Variants in EXT2 observed in about 807,000 individuals in gnomAD.
EXT2 encodes exostosin-2.
In EXT2, 53 loss-of-function variants were observed where a neutral mutation model predicts 81.6. That is an observed-to-expected ratio of 0.65 (90% CI 0.52 to 0.82). The LOEUF is 0.82. Among genes scored for constraint, EXT2 ranks in the 40% least tolerant of loss-of-function variants. EXT2 has a pLI of 0.00. For synonymous variants in EXT2, 320 were observed against 340.0 expected, an observed-to-expected ratio of 0.94 and a Z score of 0.65; for missense variants, 774 against 910.2, an observed-to-expected ratio of 0.85 and a Z score of 1.93.
chr11:44,168,743 G>T (rs1183215888), intron 7 of EXT2, among the ~76,000 whole-genome samples: 2 of 152,188 alleles, frequency 1.3e-5, no homozygotes, highest in South Asian at 4.1e-4. Flanking sequence ...CCTATCAAAA[G>T]TATCCTTCAA....
rs1337495347 is a variant in EXT2 at position 44,248,022 on chromosome 11, G to A, written c.*3735G>A. Among the ~76,000 whole-genome samples, 1 of 152,204 alleles carries A rather than the reference G, an allele frequency of 6.6e-6. No individual in the cohort carries two copies. The highest frequency in any genetic ancestry group is 2.4e-5 in the African/African-American group (1 of 41,462). ...TTCTGGGAAGGCTCTTCCTAGCTCTGCAGTTAGATCCTGTGAGGACCCAGC... is the reference window on the plus strand; with the variant it reads ...TTCTGGGAAGGCTCTTCCTAGCTCTACAGTTAGATCCTGTGAGGACCCAGC... On this transcript the variant is annotated 3_prime_UTR_variant, in exon 14 of 14. Coordinates refer to ENST00000533608, the MANE Select transcript of EXT2 (RefSeq NM_207122.2).
intron 8 of EXT2, among the ~76,000 whole-genome samples, chr11:44,174,411 T>TAC (rs1491188097): frequency 6.9e-6 from 1 of 144,910 alleles, no homozygotes; most frequent in Non-Finnish European, 1.5e-5. Context: ...ATTTACATTT[T>TAC]ATATATATAT....
chr11:44,175,567 T>C (rs1210378813), intron 8 of EXT2, among the ~76,000 whole-genome samples: 1 of 152,160 alleles, frequency 6.6e-6, no homozygotes, highest in Admixed American at 6.5e-5. Flanking sequence ...AGCAGCTGGC[T>C]GGTAAACTTT....
rs192434559 is a variant in EXT2 at position 44,185,283 on chromosome 11, G to A, written c.1306-12546G>A. ...CCACAGTGCCAACTAGCTCCTGGGCGTTCAGCTTTCATTTGCAGTTTTTTC... is the reference window on the plus strand; with the variant it reads ...CCACAGTGCCAACTAGCTCCTGGGCATTCAGCTTTCATTTGCAGTTTTTTC... On this transcript the variant is annotated intron_variant, in intron 8 of 13. Coordinates refer to ENST00000533608, the MANE Select transcript of EXT2 (RefSeq NM_207122.2). Among the ~76,000 whole-genome samples the A allele has an allele frequency of 5.9e-5, 9 of 152,306 alleles. No individual in the cohort carries two copies. In the South Asian group the frequency reaches 6.2e-4, roughly 11 times the overall value.
chr11:44,236,805 T>C (rs1001770646), intron 13 of EXT2, among the ~76,000 whole-genome samples: 1 of 152,130 alleles, frequency 6.6e-6, no homozygotes, highest in African/African-American at 2.4e-5. Flanking sequence ...ACTATGGAAA[T>C]GCCTGCCAAG....
rs963480176 is a variant in EXT2 at position 44,250,678 on chromosome 11, G to T, written c.*6391G>T. Among the ~76,000 whole-genome samples, 1 of 152,180 alleles carries T rather than the reference G, an allele frequency of 6.6e-6. No individual in the cohort carries two copies. Among genetic ancestry groups the T allele is most frequent in the East Asian group, 1.9e-4 (1 of 5,200 alleles). ...ATTGAAATGAGCACTTGTGATTTGG[G>T]CCTCTTTTGAGGAGTCCAGAGAGCG... is the stretch of plus-strand genomic sequence containing the variant. On this transcript the variant is annotated 3_prime_UTR_variant, in exon 14 of 14. Transcript: ENST00000533608.
At chr11:44,188,916 A>G (rs1955354053) in intron 8 of EXT2, among the ~76,000 whole-genome samples, 1 of 152,184 alleles carries the variant, frequency 6.6e-6, no homozygotes, top group South Asian at 2.1e-4. Context: ...TTGTTGAATG[A>G]CACAGGCCGC....
chr11:44,124,600 T>C (rs1486890093), intron 4 of EXT2, among the ~76,000 whole-genome samples, 189 bp from the exon 5 acceptor site: 2 of 152,206 alleles, frequency 1.3e-5, no homozygotes, highest in South Asian at 2.1e-4. Context: ...GAATGAATCA[T>C]ATCTTACTTT....
Position 44,234,144 on chromosome 11 carries a change from G to A in EXT2, c.1836G>A (p.Met612Ile). The A allele has an allele frequency of 5.0e-6, 8 of 1,614,072 alleles. No individual in the cohort carries two copies. Among genetic ancestry groups the A allele is most frequent in the Non-Finnish European group, 6.8e-6 (8 of 1,179,950 alleles). The change falls in exon 12 of 14, where the codon ATG becomes ATA. Residue 612 changes from methionine (M) to isoleucine (I), a missense_variant. By Grantham distance (10) the Met-to-Ile change is conservative. Around this residue, in one of 2 missense-constraint regions of EXT2, gnomAD observed 148 missense variants for 239.7 expected, o/e 0.62. Coordinates refer to ENST00000533608, the MANE Select transcript of EXT2 (RefSeq NM_207122.2). The part of the protein sequence containing the change: ...KYFNYLYTYK[M>I]PGDIKNWVDA... ...TTAATTACCTGTATACCTACAAAATGCCTGGGGATATCAAGAACTGGGTAG... is the reference window on the plus strand; with the variant it reads ...TTAATTACCTGTATACCTACAAAATACCTGGGGATATCAAGAACTGGGTAG...
chr11:44,131,672 T>C (rs1338296543), intron 7 of EXT2, among the ~76,000 whole-genome samples: 2 of 152,228 alleles, frequency 1.3e-5, no homozygotes, highest in African/African-American at 4.8e-5. Context: ...TATCTAAACC[T>C]GTGGTTCCTA....
chr11:44,234,199 A>G lies in EXT2; in HGVS notation c.1891A>G (p.Met631Val). 1 of 1,614,180 alleles carries G rather than the reference A, an allele frequency of 6.2e-7. No homozygotes were observed. Residue 631 changes from methionine (M) to valine (V), a missense_variant, in exon 12 of 14, where the codon ATG becomes GTG. Physicochemically the swap from Met to Val is conservative, Grantham distance 21. Around this residue, in one of 2 missense-constraint regions of EXT2, gnomAD observed 148 missense variants for 239.7 expected, o/e 0.62. Coordinates refer to ENST00000533608, the MANE Select transcript of EXT2 (RefSeq NM_207122.2). The part of the protein sequence containing the change: ...DAHMNCEDIA[M>V]NFLVANVTGK... ...TCATATGAACTGTGAAGATATTGCC[A>G]TGAACTTCCTGGTGGCCAACGTCAC...
At chr11:44,148,740 G>T (rs1156658248) in intron 7 of EXT2, among the ~76,000 whole-genome samples, 4 of 152,198 alleles carry the variant, frequency 2.6e-5, no homozygotes, top group African/African-American at 9.7e-5. Flanking sequence ...AGATGCCACA[G>T]TTAACAGACA....
chr11:44,096,206 G>T (rs991936248), intron 1 of EXT2: 2 of 1,522,784 alleles, frequency 1.3e-6, no homozygotes, highest in African/African-American at 2.8e-5. Flanking sequence ...CTCCCTTCCT[G>T]CTGCCACCTT....
chr11:44,126,693 G>C, intron 5 of EXT2, 123 bp from the exon 6 acceptor site: 1 of 1,193,998 alleles, frequency 8.4e-7, no homozygotes, highest in South Asian at 1.2e-5. Context: ...TGGCATTTTT[G>C]TGTCAAGATG....
At chr11:44,227,775 G>A (rs869915) in intron 10 of EXT2, among the ~76,000 whole-genome samples, 37,004 of 152,140 alleles carry the variant, frequency 0.24, 5,582 homozygotes, top group Admixed American at 0.41. Context: ...GAGGTGTTGA[G>A]GACCAACAGG....
At chr11:44,142,201 T>TA (rs1363544317) in intron 7 of EXT2, among the ~76,000 whole-genome samples, 1 of 152,246 alleles carries the variant, frequency 6.6e-6, no homozygotes, top group African/African-American at 2.4e-5. Flanking sequence ...TCTGTCTCCT[T>TA]AAGCATTGCA....
At chr11:44,097,270 G>T (rs980659274) in intron 1 of EXT2, among the ~76,000 whole-genome samples, 4 of 152,174 alleles carry the variant, frequency 2.6e-5, no homozygotes, top group African/African-American at 9.7e-5. Flanking sequence ...TTGTCTTATG[G>T]TATAATTCCC....
chr11:44,234,372 G>C, intron 12 of EXT2, 129 bp downstream of exon 12: 1 of 912,710 alleles, frequency 1.1e-6, no homozygotes, highest in Non-Finnish European at 1.7e-6. Context: ...TTAGTTTAAG[G>C]TTCTATGATT....
chr11:44,158,586 A>G (rs1954887627), intron 7 of EXT2, among the ~76,000 whole-genome samples: 3 of 150,742 alleles, frequency 2.0e-5, no homozygotes, highest in African/African-American at 7.3e-5. Flanking sequence ...TAATAAATTG[A>G]TTTTTATTAA....
Sources: allele counts gnomAD v4.1 joint callset (sites outside exome capture counted in the v4.1 genomes callset), GRCh38; gene constraint gnomAD v4.1.1; regional missense constraint gnomAD v4.1.1; transcripts MANE v1.5; gene names NCBI Gene and HGNC (gene_info 2026-07-23, HGNC 2026-07-21).